Variants in TAFA1 observed in about 807,000 individuals in gnomAD.
The protein encoded by TAFA1 is TAFA chemokine like family member 1, also known as chemokine-like protein TAFA-1.
TAFA1 carries 4 observed loss-of-function variants against 18.5 expected under a neutral mutation model. The observed-to-expected ratio is 0.22, with a 90% CI of 0.11 to 0.49. TAFA1 has a LOEUF of 0.49. TAFA1 is among the 20% of genes least tolerant of loss of function. The pLI, the probability that TAFA1 is intolerant of heterozygous loss-of-function variation, is 0.98. For synonymous variants in TAFA1, 56 were observed against 55.2 expected, an observed-to-expected ratio of 1.01 and a Z score of -0.06; for missense variants, 147 against 169.0, an observed-to-expected ratio of 0.87 and a Z score of 0.72.
At chr3:68,014,962 A>C (rs1179382342) in intron 2 of TAFA1, among the ~76,000 whole-genome samples, 1 of 152,152 alleles carries the variant, frequency 6.6e-6, no homozygotes, top group Non-Finnish European at 1.5e-5. Context: ...ATAACCTCAG[A>C]CAAGACTACC....
At chr3:68,292,346 C>T (rs1296823245) in intron 2 of TAFA1, among the ~76,000 whole-genome samples, 3 of 148,388 alleles carry the variant, frequency 2.0e-5, no homozygotes, top group African/African-American at 2.5e-5. Flanking sequence ...CCCGACAGAT[C>T]GAGGCTGCCG....
intron 2 of TAFA1, among the ~76,000 whole-genome samples, chr3:68,055,843 T>C (rs193138200): frequency 2.6e-5 from 4 of 152,116 alleles, no homozygotes; most frequent in African/African-American, 4.8e-5. Flanking sequence ...TTCAACACTC[T>C]AGACAGTTCT....
At chr3:68,440,080 A>T (rs1171379859) in intron 3 of TAFA1, among the ~76,000 whole-genome samples, 1 of 151,690 alleles carries the variant, frequency 6.6e-6, no homozygotes, top group Non-Finnish European at 1.5e-5. Context: ...TAACCCCCAC[A>T]ATTCCCACAT....
intron 2 of TAFA1, among the ~76,000 whole-genome samples, chr3:68,416,989 T>C (rs973593583): frequency 1.3e-5 from 2 of 152,154 alleles, no homozygotes; most frequent in Admixed American, 1.3e-4. Context: ...AGCATCTTTA[T>C]TGGGTGTGTT....
intron 2 of TAFA1, among the ~76,000 whole-genome samples, chr3:68,174,469 C>A (rs1027134498): frequency 6.6e-6 from 1 of 152,022 alleles, no homozygotes; most frequent in Non-Finnish European, 1.5e-5. Flanking sequence ...AAGGTCCAGG[C>A]TGAGGTGGTC....
chr3:68,272,505 G>A (rs957659973), intron 2 of TAFA1, among the ~76,000 whole-genome samples: 1 of 152,102 alleles, frequency 6.6e-6, no homozygotes, highest in Non-Finnish European at 1.5e-5. Flanking sequence ...TGAGTATAAT[G>A]GGATGCAATA....
intron 2 of TAFA1, among the ~76,000 whole-genome samples, chr3:68,136,142 C>T (rs570509643): frequency 3.7e-4 from 56 of 152,200 alleles, no homozygotes; most frequent in Admixed American, 7.2e-4. Context: ...GACTGATAGC[C>T]TAGTTTCAAG....
chr3:68,368,685 T>C (rs547410297), intron 2 of TAFA1, among the ~76,000 whole-genome samples: 1 of 152,302 alleles, frequency 6.6e-6, no homozygotes, highest in Non-Finnish European at 1.5e-5. Context: ...TGTATTGACT[T>C]CTTTGCACAG....
chr3:68,362,393 CAT>C (rs1437530799), intron 2 of TAFA1, among the ~76,000 whole-genome samples: 5 of 152,098 alleles, frequency 3.3e-5, no homozygotes, highest in Non-Finnish European at 7.4e-5. Context: ...TGAATGATAA[CAT>C]TCTCACGGAC....
chr3:68,480,072 A>G (rs1559686844), intron 3 of TAFA1, among the ~76,000 whole-genome samples: 1 of 152,114 alleles, frequency 6.6e-6, no homozygotes, highest in Non-Finnish European at 1.5e-5. Context: ...AACATCAGTA[A>G]GATGTGGAAA....
At chr3:68,010,553 A>C (rs1233838068) in intron 2 of TAFA1, among the ~76,000 whole-genome samples, 2 of 152,192 alleles carry the variant, frequency 1.3e-5, no homozygotes, top group Non-Finnish European at 2.9e-5. Flanking sequence ...GAATGAGAAT[A>C]TGTTAACTAG....
chr3:68,479,158 G>C (rs1027635097), intron 3 of TAFA1, among the ~76,000 whole-genome samples: 3 of 148,528 alleles, frequency 2.0e-5, no homozygotes. Flanking sequence ...TTGAACCCAG[G>C]AGGTGGAGGT....
the TAFA1 span, among the ~76,000 whole-genome samples, chr3:67,996,592 A>G: frequency 6.6e-6 from 1 of 152,224 alleles, no homozygotes; most frequent in Non-Finnish European, 1.5e-5. Context: ...TGAGGCCAGG[A>G]GTTCGAGACC....
chr3:68,428,073 C>A (rs6767035), intron 3 of TAFA1, among the ~76,000 whole-genome samples: 68,876 of 151,728 alleles, frequency 0.45, 16,114 homozygotes, highest in Non-Finnish European at 0.49. Context: ...CTAACCGGAG[C>A]AGAGATGCCC....
chr3:68,136,947 G>T (rs59836861), intron 2 of TAFA1, among the ~76,000 whole-genome samples: 17,585 of 152,168 alleles, frequency 0.12, 1,064 homozygotes, highest in Middle Eastern at 0.17. Flanking sequence ...AGGACTGTCA[G>T]CAGCCACTCA....
intron 2 of TAFA1, among the ~76,000 whole-genome samples, chr3:68,218,099 C>T (rs1023910507): frequency 3.9e-5 from 6 of 151,966 alleles, no homozygotes; most frequent in African/African-American, 1.4e-4. Context: ...AATTGGCATC[C>T]CACATGATTT....
intron 2 of TAFA1, among the ~76,000 whole-genome samples, chr3:68,289,525 C>A (rs114605020): frequency 7.7e-6 from 1 of 129,156 alleles, no homozygotes; most frequent in Non-Finnish European, 1.8e-5. Context: ...TTAGGAGAGG[C>A]TTATGGGCTA....
chr3:68,186,609 C>T (rs1362501729), intron 2 of TAFA1, among the ~76,000 whole-genome samples: 1 of 152,038 alleles, frequency 6.6e-6, no homozygotes, highest in East Asian at 1.9e-4. Flanking sequence ...ATGTTTATCC[C>T]ATCCCCACCT....
At chr3:68,071,211 C>T (rs1256186406) in intron 2 of TAFA1, among the ~76,000 whole-genome samples, 2 of 152,234 alleles carry the variant, frequency 1.3e-5, no homozygotes, top group Admixed American at 1.3e-4. Flanking sequence ...GCCTCTCAAT[C>T]ATGGCAGAAG....
Sources: gnomAD v4.1 joint callset for allele counts (sites outside exome capture counted in the v4.1 genomes callset) on GRCh38, gnomAD v4.1.1 for gene constraint, MANE v1.5 for transcripts, NCBI Gene and HGNC (gene_info 2026-07-23, HGNC 2026-07-21) for gene names.